Variants in MBNL1 observed in about 807,000 individuals in gnomAD.
The protein encoded by MBNL1 is muscleblind like splicing regulator 1.
Under a neutral mutation model 42.2 loss-of-function variants are expected in MBNL1, and 8 were observed. That is an observed-to-expected ratio of 0.19 (90% CI 0.11 to 0.34). The LOEUF is 0.34. Ranked by LOEUF, MBNL1 falls within the 10% of genes least tolerant of loss-of-function variation. The pLI is 1.00. For missense variants in MBNL1, 309 were observed against 495.3 expected (o/e 0.62, Z 3.57); for synonymous variants, 169 against 173.9 (o/e 0.97, Z 0.22).
intron 1 of MBNL1, among the ~76,000 whole-genome samples, chr3:152,285,443 A>G (rs1399088717): frequency 6.6e-6 from 1 of 152,220 alleles, no homozygotes; most frequent in Admixed American, 6.5e-5. Flanking sequence ...TTTGTTCACA[A>G]ATGAGCAAAA....
chr3:152,338,457 C>G lies in MBNL1; in HGVS notation c.174+38090C>G, dbSNP rs1213392166. On this transcript the variant is annotated intron_variant, in intron 2 of 9. Transcript: ENST00000324210. ...GCTGGGTACCATGTTGCCCTCTACA[C>G]TTGCTTTCAGTTGTTAAGGCTTCCC... is the stretch of plus-strand genomic sequence containing the variant. 9 of 985,266 alleles carry G rather than the reference C, an allele frequency of 9.1e-6. 1 individual carries two copies. The highest frequency in any genetic ancestry group is 1.1e-5 in the Non-Finnish European group (9 of 829,926). The allele number at this position is 985,266 out of a possible 1,614,324, so 61.0% of individuals were successfully genotyped here. A position where few individuals can be genotyped will look rare whatever the true frequency, so the allele number is the denominator to read the frequency against.
intron 2 of MBNL1, among the ~76,000 whole-genome samples, chr3:152,261,085 C>T (rs942883975): frequency 6.6e-6 from 1 of 152,300 alleles, no homozygotes; most frequent in Admixed American, 6.5e-5. Context: ...TAAACTCTAG[C>T]TTCTTGCAGA....
intron 2 of MBNL1, among the ~76,000 whole-genome samples, chr3:152,255,778 A>G (rs1425773318): frequency 6.6e-6 from 1 of 152,190 alleles, no homozygotes; most frequent in Non-Finnish European, 1.5e-5. Context: ...TGGTCTCCTG[A>G]GATGGCCTAT....
At chr3:152,432,625 G>GGATA (rs1173432488) in intron 3 of MBNL1, 92 bp from the exon 4 acceptor site, 74 of 1,109,388 alleles carry the variant, frequency 6.7e-5, no homozygotes, top group Middle Eastern at 2.5e-4. Flanking sequence ...AAGGAAGAAT[G>GGATA]GATAGATGGA....
intron 2 of MBNL1, among the ~76,000 whole-genome samples, chr3:152,311,951 G>A (rs1410454276): frequency 2.6e-5 from 4 of 151,990 alleles, no homozygotes; most frequent in Non-Finnish European, 5.9e-5. Flanking sequence ...AGCACTTTGG[G>A]AGGCCGAGGC....
At chr3:152,354,915 G>A (rs1486790514) in intron 2 of MBNL1, among the ~76,000 whole-genome samples, 4 of 151,958 alleles carry the variant, frequency 2.6e-5, no homozygotes, top group East Asian at 1.9e-4. Flanking sequence ...TAAATCTTTC[G>A]CCTTTTACTA....
rs757332881 is a variant in MBNL1, at chr3:152,414,937, C to T, written c.175-4C>T. Reference sequence around the variant, plus strand: ...GATGATGTTTGCTGCTTTTGTTTCTCTAGGGCCGTTGCTCCAGGGAGAACT... The same window carrying T: ...GATGATGTTTGCTGCTTTTGTTTCTTTAGGGCCGTTGCTCCAGGGAGAACT... On this transcript the variant is annotated splice_polypyrimidine_tract_variant and splice_region_variant and intron_variant, in intron 2 of 9. Transcript: ENST00000324210. 1.2e-6 allele frequency: 2 copies of T among 1,609,500 alleles called. No homozygotes were observed. The highest frequency in any genetic ancestry group is 1.1e-5 in the South Asian group (1 of 90,058).
intron 1 of MBNL1, among the ~76,000 whole-genome samples, chr3:152,296,646 A>G (rs1465358626): frequency 6.6e-6 from 1 of 151,208 alleles, no homozygotes; most frequent in Non-Finnish European, 1.5e-5. Context: ...GTGACCCTGG[A>G]ACATAATAAT....
chr3:152,417,786 C>T (rs2098727221), intron 3 of MBNL1, among the ~76,000 whole-genome samples: 2 of 152,122 alleles, frequency 1.3e-5, no homozygotes, highest in Non-Finnish European at 2.9e-5. Flanking sequence ...GAACACAAGC[C>T]CAGTTACAGA....
chr3:152,303,934 A>C (rs973411292), intron 2 of MBNL1, among the ~76,000 whole-genome samples: 23 of 152,152 alleles, frequency 1.5e-4, no homozygotes, highest in Non-Finnish European at 2.9e-5. Context: ...AAATTGAGCC[A>C]TTTTATTTAA....
At chr3:152,301,059 G>T in intron 2 of MBNL1, 1 of 242,460 alleles carries the variant, frequency 4.1e-6, no homozygotes, top group Non-Finnish European at 6.6e-6. Context: ...TGAATTAGCA[G>T]TTTATTTTCT....
rs150691130 is a variant in MBNL1, at chr3:152,429,918, A to C, written c.346-2799A>C. Among the ~76,000 whole-genome samples, 751 of 152,288 alleles carry C rather than the reference A, an allele frequency of 4.9e-3. 5 individuals carry two copies. Among genetic ancestry groups the C allele is most frequent in the Non-Finnish European group, 8.6e-3 (585 of 68,014 alleles). On this transcript the variant is annotated intron_variant, in intron 3 of 9. Transcript: ENST00000324210. ...AGCTCTACTTATCGAAAGAGGGAAC[A>C]ATTTGAGATAGTGCTTGCTGAATAG...
chr3:152,428,554 G>A (rs1299573502), intron 3 of MBNL1, among the ~76,000 whole-genome samples: 1 of 152,180 alleles, frequency 6.6e-6, no homozygotes, highest in African/African-American at 2.4e-5. Context: ...ATTCAATGTG[G>A]AGGATAAACC....
chr3:152,461,843 A>G (rs1193068220), intron 9 of MBNL1, among the ~76,000 whole-genome samples: 1 of 152,104 alleles, frequency 6.6e-6, no homozygotes, highest in African/African-American at 2.4e-5. Context: ...AATGATTTTT[A>G]TTTTCTTAGT....
chr3:152,376,708 C>G (rs972301361), intron 2 of MBNL1, among the ~76,000 whole-genome samples: 5 of 152,094 alleles, frequency 3.3e-5, no homozygotes, highest in Non-Finnish European at 7.4e-5. Context: ...AATGCAGAAG[C>G]CTCATGTCAT....
intron 2 of MBNL1, among the ~76,000 whole-genome samples, chr3:152,393,283 G>A (rs1451868891): frequency 6.6e-6 from 1 of 152,172 alleles, no homozygotes; most frequent in Non-Finnish European, 1.5e-5. Context: ...TTTTAAATCT[G>A]GAATGTAGGT....
chr3:152,320,722 A>G (rs1399634036), intron 2 of MBNL1, among the ~76,000 whole-genome samples: 1 of 149,426 alleles, frequency 6.7e-6, no homozygotes, highest in Non-Finnish European at 1.5e-5. Context: ...TCTACCGAGA[A>G]TATTGAAAAG....
chr3:152,457,107 T>C (rs934742445), intron 8 of MBNL1, among the ~76,000 whole-genome samples: 3 of 152,182 alleles, frequency 2.0e-5, no homozygotes, highest in African/African-American at 4.8e-5. Flanking sequence ...TTTTATGATA[T>C]ACAATAATAA....
intron 2 of MBNL1, among the ~76,000 whole-genome samples, chr3:152,399,709 C>T (rs1187393284): frequency 1.3e-5 from 2 of 152,018 alleles, no homozygotes; most frequent in Non-Finnish European, 2.9e-5. Context: ...CACTATGTAG[C>T]CTAGGCTAGT....
Sources: gnomAD v4.1 joint callset for allele counts (sites outside exome capture counted in the v4.1 genomes callset) on GRCh38, gnomAD v4.1.1 for gene constraint, MANE v1.5 for transcripts, NCBI Gene and HGNC (gene_info 2026-07-23, HGNC 2026-07-21) for gene names.